Variants in RELN observed in about 807,000 individuals in gnomAD.
RELN encodes the protein reelin.
Under a neutral mutation model 427.6 loss-of-function variants are expected in RELN, and 108 were observed. The ratio of observed to expected loss-of-function variants is 0.25; its 90% confidence interval spans 0.22 to 0.30. RELN has a LOEUF of 0.30. RELN is among the 10% of genes least tolerant of loss of function. The pLI, the probability that RELN is intolerant of heterozygous loss-of-function variation, is 1.00. For synonymous variants in RELN, 1,524 were observed against 1,513.4 expected, an observed-to-expected ratio of 1.01 and a Z score of -0.16; for missense variants, 3,715 against 4,302.8, an observed-to-expected ratio of 0.86 and a Z score of 3.82.
At chr7:103,829,153 T>C (rs548470340) in intron 3 of RELN, among the ~76,000 whole-genome samples, 38 of 152,010 alleles carry the variant, frequency 2.5e-4, no homozygotes, top group Non-Finnish European at 5.2e-4. Context: ...AAGAGGTAAA[T>C]AGAAAAGTGG....
intron 6 of RELN, among the ~76,000 whole-genome samples, chr7:103,747,521 T>G (rs1445931742): frequency 1.3e-5 from 2 of 152,156 alleles, no homozygotes; most frequent in Non-Finnish European, 2.9e-5. Context: ...TGGTATCCAT[T>G]TGGCAAGTGG....
At chr7:103,663,535 A>T (rs78590839) in intron 11 of RELN, among the ~76,000 whole-genome samples, 1 of 152,068 alleles carries the variant, frequency 6.6e-6, no homozygotes, top group Non-Finnish European at 1.5e-5. Flanking sequence ...AGCCTTTTCA[A>T]TTGGCACATT....
At chr7:103,898,551 T>C (rs925252962) in intron 2 of RELN, among the ~76,000 whole-genome samples, 6 of 152,202 alleles carry the variant, frequency 3.9e-5, no homozygotes, top group Non-Finnish European at 5.9e-5. Context: ...CAATATACAC[T>C]AAAAACAACA....
At chr7:103,774,570 G>T (rs1791690867) in intron 4 of RELN, among the ~76,000 whole-genome samples, 1 of 152,030 alleles carries the variant, frequency 6.6e-6, no homozygotes, top group African/African-American at 2.4e-5. Flanking sequence ...GACTGCAATT[G>T]TTTTTCCTCT....
chr7:103,662,834 C>T (rs1833174467), intron 11 of RELN, among the ~76,000 whole-genome samples: 2 of 152,134 alleles, frequency 1.3e-5, no homozygotes, highest in African/African-American at 4.8e-5. Context: ...ATGATTACAT[C>T]TCTCCTTTGT....
At chr7:103,653,395 GT>G (rs1832962967) in intron 13 of RELN, among the ~76,000 whole-genome samples, 1 of 152,018 alleles carries the variant, frequency 6.6e-6, no homozygotes, top group African/African-American at 2.4e-5. Context: ...TAACCTTGAT[GT>G]TTGTTTTGTC....
In RELN at chr7:103,500,842, A is replaced by G. The variant is rs1245073620; in HGVS notation, c.8570T>C (p.Leu2857Ser). 1 of 1,614,036 alleles carries G rather than the reference A, an allele frequency of 6.2e-7. No homozygotes were observed. The highest frequency in any genetic ancestry group is 8.5e-7 in the Non-Finnish European group (1 of 1,180,008). ...IDNFYLGPGCLDNCRGHGDCL... is the reference protein window; with the variant it reads ...IDNFYLGPGCSDNCRGHGDCL... Reference sequence around the variant, plus strand: ...ATCTCCATGGCCCCTGCAGTTGTCCAAGCATCCAGGGCCCAGGTAGAAATT... The same window carrying G: ...ATCTCCATGGCCCCTGCAGTTGTCCGAGCATCCAGGGCCCAGGTAGAAATT... Residue 2857 changes from leucine (L) to serine (S), a missense_variant, in exon 53 of 65, where the codon TTG (leucine) becomes TCG (serine). Physicochemically the swap from Leu to Ser is moderately radical, Grantham distance 145. This residue lies in a region of RELN where 1,310 missense variants were observed against 1,643.0 expected (regional missense o/e 0.80). Transcript: ENST00000428762.
At chr7:103,571,845 T>C (rs139473578) in intron 31 of RELN, among the ~76,000 whole-genome samples, 133 of 152,342 alleles carry the variant, frequency 8.7e-4, no homozygotes, top group African/African-American at 3.1e-3. Flanking sequence ...AACAAGTCTC[T>C]AGCTTCCATG....
intron 6 of RELN, 59 bp from the exon 7 acceptor site, chr7:103,728,266 G>T: frequency 6.9e-7 from 1 of 1,453,276 alleles, no homozygotes; most frequent in Non-Finnish European, 9.7e-7. Context: ...GTGGTTTACT[G>T]CTCAGGTAAG....
chr7:103,794,737 TGCTGTAGGGGG>T (rs1792255629), intron 3 of RELN, among the ~76,000 whole-genome samples: 1 of 152,148 alleles, frequency 6.6e-6, no homozygotes, highest in Admixed American at 6.6e-5. Context: ...GATCATTCTT[TGCTGTAGGGGG>T]GCTTTCCTGT....
intron 2 of RELN, among the ~76,000 whole-genome samples, chr7:103,867,064 C>G (rs1794217605): frequency 6.6e-6 from 1 of 152,042 alleles, no homozygotes; most frequent in Non-Finnish European, 1.5e-5. Context: ...CCTGTTAAGA[C>G]TGAAATTAGA....
chr7:103,860,819 G>A (rs1458788139), intron 2 of RELN, among the ~76,000 whole-genome samples: 1 of 152,072 alleles, frequency 6.6e-6, no homozygotes, highest in African/African-American at 2.4e-5. Flanking sequence ...TAAATGACTT[G>A]CTGACTTCTG....
chr7:103,798,326 T>C (rs2116300330), intron 3 of RELN, among the ~76,000 whole-genome samples: 1 of 152,306 alleles, frequency 6.6e-6, no homozygotes, highest in East Asian at 1.9e-4. Context: ...TCCATAGTAT[T>C]AAGATCTTTG....
In RELN at chr7:103,672,109, T is replaced by C. The variant is rs919476957; in HGVS notation, c.1289+10007A>G. 3.9e-5 allele frequency among the ~76,000 whole-genome samples: 6 copies of C among 152,298 alleles called. No homozygotes were observed. The South Asian group carries it at 1.2e-3, about 32-fold the overall frequency. The stretch of plus-strand genomic sequence containing the variant: ...ATGCTTAAACTGTTCCGAAGAGCTC[T>C]AAAGAAATTTCAGCCTATTTTTAAT... On this transcript the variant is annotated intron_variant, in intron 11 of 64. Coordinates refer to ENST00000428762, the MANE Select transcript of RELN (RefSeq NM_005045.4).
chr7:103,723,554 C>A (rs1013259509), intron 7 of RELN, among the ~76,000 whole-genome samples: 6 of 152,080 alleles, frequency 3.9e-5, no homozygotes, highest in African/African-American at 1.4e-4. Flanking sequence ...ATCAATAGAT[C>A]GGGGACCCAA....
At chr7:103,479,586 T>A (rs950340859) in intron 63 of RELN, among the ~76,000 whole-genome samples, 2 of 152,188 alleles carry the variant, frequency 1.3e-5, no homozygotes, top group Non-Finnish European at 2.9e-5. Context: ...CAAACAAGCA[T>A]GAGAGACTGC....
intron 24 of RELN, among the ~76,000 whole-genome samples, chr7:103,599,483 G>GT (rs1831615090): frequency 6.6e-6 from 1 of 152,102 alleles, no homozygotes; most frequent in South Asian, 2.1e-4. Flanking sequence ...TAAATGTCTA[G>GT]TGCATGACAT....
intron 2 of RELN, among the ~76,000 whole-genome samples, chr7:103,860,272 C>T (rs1416153677): frequency 3.9e-5 from 6 of 152,088 alleles, no homozygotes; most frequent in African/African-American, 9.7e-5. Flanking sequence ...TATTTTAACA[C>T]TTTTTTACTA....
intron 1 of RELN, among the ~76,000 whole-genome samples, chr7:103,935,377 C>T (rs764136924): frequency 6.6e-6 from 1 of 152,142 alleles, no homozygotes; most frequent in Non-Finnish European, 1.5e-5. Context: ...TTACTTGACT[C>T]CTCTGTCCCG....
Sources: allele counts gnomAD v4.1 joint callset (sites outside exome capture counted in the v4.1 genomes callset), GRCh38; gene constraint gnomAD v4.1.1; regional missense constraint gnomAD v4.1.1; transcripts MANE v1.5; gene names NCBI Gene and HGNC (gene_info 2026-07-23, HGNC 2026-07-21).